Variants in PIEZO2 observed in about 807,000 individuals in gnomAD.
PIEZO2 encodes the protein piezo-type mechanosensitive ion channel component 2.
In PIEZO2, 172 loss-of-function variants were observed where a neutral mutation model predicts 337.3. The observed-to-expected ratio is 0.51, with a 90% CI of 0.45 to 0.58. The LOEUF is 0.58. Ranked by LOEUF, PIEZO2 falls within the 20% of genes least tolerant of loss-of-function variation. The pLI is 0.00. For synonymous variants in PIEZO2, 1,251 were observed against 1,228.5 expected (o/e 1.02, Z -0.38); for missense variants, 3,028 against 3,391.3 (o/e 0.89, Z 2.66).
At chr18:10,717,196 C>T (rs1347163256) in intron 37 of PIEZO2, among the ~76,000 whole-genome samples, 1 of 152,216 alleles carries the variant, frequency 6.6e-6, no homozygotes, top group Non-Finnish European at 1.5e-5. Context: ...TTAATATACT[C>T]CAAACTCTCG....
rs2040249496 is a variant in PIEZO2 at position 10,813,118 on chromosome 18, T to C, written c.918-5844A>G. Among the ~76,000 whole-genome samples the C allele has an allele frequency of 6.6e-6, 1 of 151,970 alleles. No homozygotes were observed. Among genetic ancestry groups the C allele is most frequent in the African/African-American group, 2.4e-5 (1 of 41,378 alleles). On this transcript the variant is annotated intron_variant, in intron 7 of 55. Transcript: ENST00000674853. The surrounding 1 kb of genome is among the most constrained non-coding windows in gnomAD (Gnocchi z 4.2). ...CCTCAGCCTCCGGAGTATCTAGGATTACAGGCACGCGCCACCACGCTCAGC... is the reference window on the plus strand; with the variant it reads ...CCTCAGCCTCCGGAGTATCTAGGATCACAGGCACGCGCCACCACGCTCAGC...
intron 41 of PIEZO2, 64 bp from the exon 42 acceptor site, chr18:10,704,716 C>T: frequency 2.7e-6 from 4 of 1,492,522 alleles, no homozygotes; most frequent in South Asian, 2.6e-5. Flanking sequence ...TGGAGTTTTG[C>T]TCTTGTTGCC....
intron 36 of PIEZO2, chr18:10,725,524 G>T: frequency 7.1e-7 from 1 of 1,402,196 alleles, no homozygotes; most frequent in Non-Finnish European, 9.7e-7. Context: ...TGGGAGTCGT[G>T]GGAAGGAGGG....
intron 7 of PIEZO2, among the ~76,000 whole-genome samples, chr18:10,839,293 G>A (rs1168338726): frequency 6.6e-6 from 1 of 152,216 alleles, no homozygotes; most frequent in Non-Finnish European, 1.5e-5. Flanking sequence ...CATTAGTCAT[G>A]GGATAGTTCC....
chr18:10,975,225 C>T lies in PIEZO2; in HGVS notation c.286+4310G>A, dbSNP rs553694729. ...TGAATAGCATGCTTTAAGCACAGCA[C>T]AAGAATCCAGACTGGCCTTCAAATT... On this transcript the variant is annotated intron_variant, in intron 3 of 55. Transcript: ENST00000674853. Among the ~76,000 whole-genome samples, 11 of 152,320 alleles carry T rather than the reference C, an allele frequency of 7.2e-5. No individual in the cohort carries two copies. The East Asian group carries it at 1.5e-3, about 21-fold the overall frequency.
At chr18:10,990,686 T>C (rs910209339) in intron 2 of PIEZO2, among the ~76,000 whole-genome samples, 9 of 151,434 alleles carry the variant, frequency 5.9e-5, no homozygotes, top group Admixed American at 1.3e-4. Flanking sequence ...GTATATTATA[T>C]AATTTTATAT....
At chr18:10,778,292 G>T (rs972045369) in intron 18 of PIEZO2, among the ~76,000 whole-genome samples, 1 of 151,364 alleles carries the variant, frequency 6.6e-6, no homozygotes, top group Admixed American at 6.6e-5. Flanking sequence ...TGAGGGACAG[G>T]CTTGTTTGAT....
At chr18:11,133,424 T>A (rs2040394276) in intron 1 of PIEZO2, among the ~76,000 whole-genome samples, 1 of 152,160 alleles carries the variant, frequency 6.6e-6, no homozygotes, top group Admixed American at 6.5e-5. Flanking sequence ...ATATAGAGTG[T>A]CAACTTGATT....
Position 11,002,598 on chromosome 18 carries a change from T to TG in PIEZO2, c.161-22939dup, listed in dbSNP as rs1174613014. ...AATTTCACCATTTCCAGAAGGAAAT[T>TG]GGAAAAAATATCAGAGCTCAATTTG... is the stretch of plus-strand genomic sequence containing the variant. On this transcript the variant is annotated intron_variant, in intron 2 of 55. Coordinates refer to ENST00000674853, the MANE Select transcript of PIEZO2 (RefSeq NM_001378183.1). This position sits in a 1 kb window ranked among gnomAD's most constrained non-coding sequence, Gnocchi z 4.3. 1.2e-4 allele frequency among the ~76,000 whole-genome samples: 18 copies of TG among 152,248 alleles called. No homozygotes were observed. The East Asian group carries it at 3.3e-3, about 28-fold the overall frequency.
At chr18:10,909,170 T>G (rs111377191) in intron 4 of PIEZO2, among the ~76,000 whole-genome samples, 2 of 152,164 alleles carry the variant, frequency 1.3e-5, no homozygotes. Context: ...TCAACACATA[T>G]ATGTTCCCAG....
intron 8 of PIEZO2, 111 bp from the exon 9 acceptor site, chr18:10,804,105 G>T: frequency 7.8e-7 from 1 of 1,284,736 alleles, no homozygotes; most frequent in South Asian, 1.5e-5. Context: ...TTTTCAAAGT[G>T]AATGTTTACA....
At chr18:10,791,131 AT>A in intron 14 of PIEZO2, 69 bp downstream of exon 14, 1 of 1,407,160 alleles carries the variant, frequency 7.1e-7, no homozygotes. Context: ...TGTCTGATGT[AT>A]TTTGGGGCTC....
In PIEZO2 at chr18:10,911,738, G is replaced by C. The variant is rs184139121; in HGVS notation, c.287-510C>G. Among the ~76,000 whole-genome samples the C allele has an allele frequency of 2.9e-3, 389 of 135,726 alleles. 2 individuals are homozygous for C. Among genetic ancestry groups the C allele is most frequent in the African/African-American group, 9.2e-3 (331 of 35,790 alleles). 89.0% of individuals were successfully genotyped at this position (135,726 alleles called of 152,430 possible). On this transcript the variant is annotated intron_variant, in intron 3 of 55. Coordinates refer to ENST00000674853, the MANE Select transcript of PIEZO2 (RefSeq NM_001378183.1). The stretch of plus-strand genomic sequence containing the variant: ...CATTGCACTCTAGCCTGGGCGACAA[G>C]AGCAAAACTCCATCTTGAAAAAACA...
chr18:10,709,521 G>A (rs951833224), intron 39 of PIEZO2: 2 of 152,306 alleles, frequency 1.3e-5, no homozygotes, highest in Non-Finnish European at 2.9e-5. Flanking sequence ...CAGGCTGAAC[G>A]TGGTAGGCTG....
chr18:11,144,822 G>C lies in PIEZO2; in HGVS notation c.64+3703C>G, dbSNP rs564052008. On this transcript the variant is annotated intron_variant, in intron 1 of 55. Coordinates refer to ENST00000674853, the MANE Select transcript of PIEZO2 (RefSeq NM_001378183.1). Reference sequence around the variant, plus strand: ...CTAATCCCCTGTTCCCCCAAGCAAGGCTTCCCCTTTCTTCCCCCTGAAAAT... The same window carrying C: ...CTAATCCCCTGTTCCCCCAAGCAAGCCTTCCCCTTTCTTCCCCCTGAAAAT... Among the ~76,000 whole-genome samples, 215 of 152,214 alleles carry C rather than the reference G, an allele frequency of 1.4e-3. 1 individual carries two copies. The highest frequency in any genetic ancestry group is 4.6e-3 in the African/African-American group (189 of 41,534).
At chr18:10,816,746 T>C (rs1302289526) in intron 7 of PIEZO2, among the ~76,000 whole-genome samples, 1 of 152,164 alleles carries the variant, frequency 6.6e-6, no homozygotes, top group Non-Finnish European at 1.5e-5. Context: ...AATATGTAAT[T>C]TATGTCTTAG....
Position 10,726,835 on chromosome 18 carries a change from C to G in PIEZO2, c.5029+4572G>C. 2 of 1,579,590 alleles carry G rather than the reference C, an allele frequency of 1.3e-6. No homozygotes were observed. Among genetic ancestry groups the G allele is most frequent in the Non-Finnish European group, 1.7e-6 (2 of 1,152,266 alleles). ...TGGGGTGCTGGATAATACCCGGATG[C>G]CCCACCTTATGCAGGACTTGGCACG... On this transcript the variant is annotated intron_variant, in intron 36 of 55. Transcript: ENST00000674853. This position sits in a 1 kb window ranked among gnomAD's most constrained non-coding sequence, Gnocchi z 5.9.
rs1333324293 is a variant in PIEZO2 at position 10,773,129 on chromosome 18, G to T, written c.2785+283C>A. ...TAGAAACAGAGAGGCTCTGACTGAG[G>T]ACGTGGTCAACACCATGCCCCACCA... is the stretch of plus-strand genomic sequence containing the variant. On this transcript the variant is annotated intron_variant, in intron 20 of 55. Transcript: ENST00000674853. The surrounding 1 kb of genome is among the most constrained non-coding windows in gnomAD (Gnocchi z 5.3). Among the ~76,000 whole-genome samples the T allele has an allele frequency of 6.6e-6, 1 of 152,214 alleles. No homozygotes were observed. The highest frequency in any genetic ancestry group is 1.5e-5 in the Non-Finnish European group (1 of 68,042).
At chr18:10,715,076 G>A (rs1015706084) in intron 38 of PIEZO2, 146 bp from the exon 39 acceptor site, 5 of 759,392 alleles carry the variant, frequency 6.6e-6, no homozygotes, top group African/African-American at 3.5e-5. Context: ...GATTGATGTC[G>A]ACTCATTTCA....
Sources: allele counts gnomAD v4.1 joint callset (sites outside exome capture counted in the v4.1 genomes callset), GRCh38; gene constraint gnomAD v4.1.1; non-coding constraint Gnocchi (gnomAD v3.1); transcripts MANE v1.5; gene names NCBI Gene and HGNC (gene_info 2026-07-23, HGNC 2026-07-21).